Variants in GALC observed in about 807,000 individuals in gnomAD.
GALC encodes galactocerebrosidase.
In GALC, 77 loss-of-function variants were observed where a neutral mutation model predicts 91.8. The observed-to-expected ratio is 0.84, with a 90% CI of 0.70 to 1.01. The LOEUF is 1.01. Among genes scored for constraint, GALC ranks in the 50% least tolerant of loss-of-function variants. GALC has a pLI of 0.00. For synonymous variants in GALC, 357 were observed against 306.7 expected (o/e 1.16, Z -1.71); for missense variants, 882 against 855.9 (o/e 1.03, Z -0.38).
At chr14:87,953,508 T>C in intron 10 of GALC, 1 of 1,605,582 alleles carries the variant, frequency 6.2e-7, no homozygotes, top group South Asian at 1.1e-5. Flanking sequence ...ATACAGGATC[T>C]CAAGAACTTT....
At position 87,992,986 on chromosome 14, in the gene GALC, G is replaced by A. The variant is rs759110815; in HGVS notation, c.179C>T (p.Ala60Val). The A allele has an allele frequency of 3.3e-6, 5 of 1,528,218 alleles. No individual in the cohort carries two copies. The highest frequency in any genetic ancestry group is 1.9e-5 in the Admixed American group (1 of 51,968). 94.7% of individuals were successfully genotyped at this position (1,528,218 alleles called of 1,614,324 possible). ...GCCGCTCACCCCGCCGCCGCTGACC[G>A]CGCCGATGCCGTCGAACTCCCGGCC... ...GLGREFDGIG[A>V]VSGGGATSRL... The change falls in exon 1 of 17, where the codon GCG (alanine) becomes GTG (valine). Residue 60 changes from alanine (A) to valine (V), a missense_variant. Transcript: ENST00000261304.
rs182557290 is a variant in GALC, at chr14:87,991,234, A to C, written c.195+1736T>G. Among the ~76,000 whole-genome samples the C allele has an allele frequency of 8.8e-4, 133 of 151,932 alleles. 3 individuals are homozygous for C. In the East Asian group the frequency reaches 0.019, roughly 21 times the overall value. ...TTGTTTGTGTTTTGAACGGAGTCTC[A>C]CTCTGTCGCCCAGGCTGGAGTGCAG... is the stretch of plus-strand genomic sequence containing the variant. On this transcript the variant is annotated intron_variant, in intron 1 of 16. Coordinates refer to ENST00000261304, the MANE Select transcript of GALC (RefSeq NM_000153.4).
intron 13 of GALC, among the ~76,000 whole-genome samples, chr14:87,946,945 T>C (rs1008682398): frequency 3.3e-5 from 5 of 151,694 alleles, no homozygotes; most frequent in African/African-American, 1.2e-4. Context: ...GAAAGGGTGA[T>C]AGGAGTGTCC....
At position 87,965,635 on chromosome 14, in the gene GALC, A is replaced by T. The variant is rs1886013691; in HGVS notation, c.909-6T>A. Reference sequence around the variant, plus strand: ...CTAAATTCCATGCGATTGTGCTAAAAGATTTGATAAAAAAGAAACACCAAG... The same window carrying T: ...CTAAATTCCATGCGATTGTGCTAAATGATTTGATAAAAAAGAAACACCAAG... On this transcript the variant is annotated splice_polypyrimidine_tract_variant and splice_region_variant and intron_variant, in intron 8 of 16. Transcript: ENST00000261304. 3 of 1,613,026 alleles carry T rather than the reference A, an allele frequency of 1.9e-6. No individual in the cohort carries two copies. In the South Asian group the frequency reaches 3.3e-5, roughly 18 times the overall value.
chr14:87,993,419 T>G, upstream of GALC: 1 of 1,535,846 alleles, frequency 6.5e-7, no homozygotes, highest in Non-Finnish European at 8.7e-7. Context: ...GGTGGAGCAC[T>G]TTAACGCAGG....
At chr14:87,936,511 C>T (rs998929756) in intron 16 of GALC, among the ~76,000 whole-genome samples, 1 of 151,654 alleles carries the variant, frequency 6.6e-6, no homozygotes, top group Non-Finnish European at 1.5e-5. Flanking sequence ...ACATGGCCCA[C>T]GAAGTCTAAA....
intron 4 of GALC, 42 bp downstream of exon 4, chr14:87,986,447 A>G: frequency 8.2e-7 from 1 of 1,226,480 alleles, no homozygotes. Flanking sequence ...TAAAAGTTAA[A>G]GGAAAAGAGA....
At chr14:87,986,346 C>T (rs996293143) in intron 4 of GALC, 143 bp downstream of exon 4, 1 of 688,134 alleles carries the variant, frequency 1.5e-6, no homozygotes, top group Non-Finnish European at 2.6e-6. Flanking sequence ...ACCCCTGGCA[C>T]ATGCTTTGCT....
chr14:87,992,764 C>G lies in GALC; in HGVS notation c.195+206G>C, dbSNP rs1595245525. On this transcript the variant is annotated intron_variant, in intron 1 of 16. Transcript: ENST00000261304. ...ATCCTCATTTGTTCAAACCTAACTG[C>G]CTGTCTGGTTCGTGTTAAACGAGAA... The G allele has an allele frequency of 1.6e-5, 22 of 1,418,070 alleles. No homozygotes were observed. In the East Asian group the frequency reaches 5.7e-4, roughly 37 times the overall value. The allele number at this position is 1,418,070 out of a possible 1,614,324, so 87.8% of individuals were successfully genotyped here. A position where few individuals can be genotyped will look rare whatever the true frequency, so the allele number is the denominator to read the frequency against.
chr14:87,992,717 C>T (rs530795836), intron 1 of GALC: 2 of 1,429,916 alleles, frequency 1.4e-6, no homozygotes, highest in East Asian at 2.5e-5. Context: ...ACTCTCTGCA[C>T]CTATACTCTC....
intron 7 of GALC, among the ~76,000 whole-genome samples, chr14:87,973,447 G>A (rs1172860662): frequency 1.3e-5 from 2 of 151,774 alleles, no homozygotes; most frequent in African/African-American, 4.8e-5. Context: ...AGGACAAGAA[G>A]GAAAGAAGGT....
chr14:87,970,904 A>C (rs1886267831), intron 7 of GALC, among the ~76,000 whole-genome samples: 1 of 151,156 alleles, frequency 6.6e-6, no homozygotes, highest in Non-Finnish European at 1.5e-5. Context: ...AAAGAATATA[A>C]ATTTTTAATG....
chr14:87,982,307 C>T (rs1406510164), intron 5 of GALC, 64 bp from the exon 6 acceptor site: 7 of 1,034,434 alleles, frequency 6.8e-6, no homozygotes, highest in Non-Finnish European at 1.1e-5. Flanking sequence ...AGCAGATTAT[C>T]GTTACGATAC....
intron 10 of GALC, among the ~76,000 whole-genome samples, chr14:87,956,438 A>T (rs993497566): frequency 6.6e-6 from 1 of 151,960 alleles, no homozygotes; most frequent in Non-Finnish European, 1.5e-5. Context: ...GTTTCCAACA[A>T]CACACACAAA....
intron 10 of GALC, among the ~76,000 whole-genome samples, chr14:87,956,545 T>C (rs1885554847): frequency 6.6e-6 from 1 of 151,230 alleles, no homozygotes. Context: ...ATACACCATA[T>C]ATATATACAC....
chr14:87,939,066 T>C (rs1884714171), intron 16 of GALC, among the ~76,000 whole-genome samples: 2 of 151,848 alleles, frequency 1.3e-5, no homozygotes, highest in African/African-American at 2.4e-5. Flanking sequence ...ACAAATCATA[T>C]CTATGAGTTT....
chr14:87,941,414 G>C lies in GALC; in HGVS notation c.1815C>G (p.Tyr605Ter). The change falls in exon 15 of 17, where the codon TAC (tyrosine) becomes TAG (stop). Residue 605 changes from tyrosine (Y) to a stop codon, truncating the protein, a stop_gained. Transcript: ENST00000261304. LOFTEE classifies it high-confidence loss of function. Reference sequence around the variant, plus strand: ...AGTTACCTAAATCACCTGTAACCCTGTAAGATCCATTTGCAAAAATCCAGA... The same window carrying C: ...AGTTACCTAAATCACCTGTAACCCTCTAAGATCCATTTGCAAAAATCCAGA... ...IFFWIFANGS[Y>*]RVTGDLAGWI... 2.5e-6 allele frequency: 4 copies of C among 1,602,996 alleles called. No homozygotes were observed. Among genetic ancestry groups the C allele is most frequent in the Non-Finnish European group, 3.4e-6 (4 of 1,172,988 alleles).
chr14:87,939,787 A>T (rs557426042), intron 16 of GALC, 118 bp downstream of exon 16: 2 of 819,972 alleles, frequency 2.4e-6, no homozygotes, highest in African/African-American at 3.4e-5. Flanking sequence ...ACCAAGGCAG[A>T]TTCTTTGTCT....
At chr14:87,978,176 C>T (rs1212332151) in intron 6 of GALC, among the ~76,000 whole-genome samples, 3 of 152,136 alleles carry the variant, frequency 2.0e-5, no homozygotes, top group African/African-American at 4.8e-5. Context: ...CTCAGCCTCT[C>T]AAGTAGCTGG....
Sources: gnomAD v4.1 joint callset for allele counts (sites outside exome capture counted in the v4.1 genomes callset) on GRCh38, gnomAD v4.1.1 for gene constraint, MANE v1.5 for transcripts, NCBI Gene and HGNC (gene_info 2026-07-23, HGNC 2026-07-21) for gene names.